The following URB1 variants were observed in gnomAD, a reference collection of about 807,000 sequenced individuals.
URB1 encodes the protein nucleolar pre-ribosomal-associated protein 1.
URB1 carries 197 observed loss-of-function variants against 242.3 expected under a neutral mutation model. The ratio of observed to expected loss-of-function variants is 0.81; its 90% CI spans 0.72 to 0.91. The LOEUF is 0.91. Ranked by LOEUF, URB1 falls within the 40% of genes least tolerant of loss-of-function variation. The pLI, the probability that URB1 is intolerant of heterozygous loss-of-function variation, is 0.00. For synonymous variants in URB1, 1,153 were observed against 1,201.8 expected (o/e 0.96, Z 0.84); for missense variants, 2,721 against 2,860.5 (o/e 0.95, Z 1.11).
At chr21:32,370,747 G>T (rs2033397355) in intron 8 of URB1, among the ~76,000 whole-genome samples, 1 of 152,212 alleles carries the variant, frequency 6.6e-6, no homozygotes, top group African/African-American at 2.4e-5. Context: ...TGGGACACAG[G>T]TAAACCTACT....
intron 8 of URB1, among the ~76,000 whole-genome samples, chr21:32,371,003 A>C (rs1021390162): frequency 5.9e-5 from 9 of 152,200 alleles, no homozygotes; most frequent in Admixed American, 5.9e-4. Flanking sequence ...CAAGCAAATA[A>C]ATAAATCAGC....
chr21:32,388,466 C>T (rs1000214938), intron 1 of URB1, among the ~76,000 whole-genome samples: 3 of 152,156 alleles, frequency 2.0e-5, no homozygotes, highest in Non-Finnish European at 4.4e-5. Flanking sequence ...CAACATTTTC[C>T]GCAGCAACCA....
At position 32,346,939 on chromosome 21, in the gene URB1, G is replaced by A. The variant is rs1451704234; in HGVS notation, c.3868+17C>T. 1.3e-6 allele frequency: 2 copies of A among 1,488,730 alleles called. No individual in the cohort carries two copies. The highest frequency in any genetic ancestry group is 1.8e-6 in the Non-Finnish European group (2 of 1,110,568). The allele number at this position is 1,488,730 out of a possible 1,614,324, so 92.2% of individuals were successfully genotyped here. On this transcript the variant is annotated intron_variant, in intron 22 of 38. Coordinates refer to ENST00000382751, the MANE Select transcript of URB1 (RefSeq NM_014825.3). ...CAACTTAAGACCCCAGCTGCCCAAA[G>A]CTAGCCTTTCCCTTACCTCCTGCTG...
chr21:32,339,086 C>T (rs2032998256), intron 25 of URB1, among the ~76,000 whole-genome samples, 186 bp from the exon 26 acceptor site: 1 of 152,162 alleles, frequency 6.6e-6, no homozygotes. Flanking sequence ...CCTCTGCCTC[C>T]CAAGTGCAAG....
chr21:32,375,949 G>A (rs1315656159), intron 5 of URB1, among the ~76,000 whole-genome samples: 1 of 151,748 alleles, frequency 6.6e-6, no homozygotes, highest in Non-Finnish European at 1.5e-5. Flanking sequence ...AGAGCAAGAC[G>A]CTGTCTCCAA....
intron 11 of URB1, among the ~76,000 whole-genome samples, chr21:32,362,717 T>G (rs2033302785): frequency 6.6e-6 from 1 of 152,178 alleles, no homozygotes; most frequent in Non-Finnish European, 1.5e-5. Flanking sequence ...AAGCCTGGTC[T>G]TCAGCCATAG....
In URB1 at chr21:32,311,622, C is replaced by T; in HGVS notation, c.*3296G>A. On this transcript the variant is annotated 3_prime_UTR_variant, in exon 39 of 39. Transcript: ENST00000382751. ...AGGTGTGGCAGGAAACCCCCCAGCC[C>T]CACAGTATGGACTGTTCTGCAGCAA... 1 of 1,579,558 alleles carries T rather than the reference C, an allele frequency of 6.3e-7. No individual in the cohort carries two copies. Among genetic ancestry groups the T allele is most frequent in the Admixed American group, 1.8e-5 (1 of 56,382 alleles).
chr21:32,381,221 T>C (rs2033521114), intron 4 of URB1, among the ~76,000 whole-genome samples: 1 of 152,126 alleles, frequency 6.6e-6, no homozygotes, highest in South Asian at 2.1e-4. Context: ...CCTCACAGGG[T>C]TATTATTCCA....
intron 15 of URB1, 109 bp from the exon 16 acceptor site, chr21:32,355,674 T>C: frequency 1.1e-6 from 1 of 910,052 alleles, no homozygotes; most frequent in South Asian, 1.5e-5. Flanking sequence ...AGTGGCATGA[T>C]CTCGGCTCAC....
chr21:32,326,856 C>T (rs1412261312), intron 30 of URB1, among the ~76,000 whole-genome samples: 1 of 152,050 alleles, frequency 6.6e-6, no homozygotes, highest in Non-Finnish European at 1.5e-5. Context: ...TATACCAGTG[C>T]AAGAATGGAC....
In URB1 at chr21:32,316,937, A is replaced by G; in HGVS notation, c.6163T>C (p.Cys2055Arg). The G allele has an allele frequency of 1.9e-6, 3 of 1,551,640 alleles. No homozygotes were observed. The highest frequency in any genetic ancestry group is 2.6e-6 in the Non-Finnish European group (3 of 1,146,980). The change falls in exon 38 of 39, where the codon TGC (cysteine) becomes CGC (arginine). Residue 2055 changes from cysteine (C) to arginine (R), a missense_variant. By Grantham distance (180) the Cys-to-Arg change is radical. Coordinates refer to ENST00000382751, the MANE Select transcript of URB1 (RefSeq NM_014825.3). ...PELMASTLET[C>R]KGLLRSILTY... ...AAGATGGACCTCAGGAGGCCCTTGC[A>G]TGTCTCCAAGGTAGATGCCATCAGC... is the stretch of plus-strand genomic sequence containing the variant.
Position 32,345,356 on chromosome 21 carries a change from C to T in URB1, c.4070+18G>A, listed in dbSNP as rs1045748307. 1.9e-6 allele frequency: 3 copies of T among 1,546,756 alleles called. No individual in the cohort carries two copies. Among genetic ancestry groups the T allele is most frequent in the Non-Finnish European group, 2.6e-6 (3 of 1,143,784 alleles). On this transcript the variant is annotated intron_variant, in intron 23 of 38. Transcript: ENST00000382751. ...CACCGAGAGTGGAACATCCTGCAAC[C>T]AACCTGAGCCTTCATACCTCTTGTG...
At chr21:32,339,831 C>T (rs1000297595) in intron 25 of URB1, among the ~76,000 whole-genome samples, 1 of 152,140 alleles carries the variant, frequency 6.6e-6, no homozygotes, top group African/African-American at 2.4e-5. Context: ...ACCAAAAGAA[C>T]TTCCTGCTTA....
chr21:32,353,610 G>C (rs958925456), intron 18 of URB1, among the ~76,000 whole-genome samples: 1 of 152,094 alleles, frequency 6.6e-6, no homozygotes, highest in African/African-American at 2.4e-5. Context: ...AAGTATGAAG[G>C]ATTCATCCTC....
intron 24 of URB1, among the ~76,000 whole-genome samples, chr21:32,343,425 A>C (rs1371787557): frequency 6.6e-6 from 1 of 152,220 alleles, no homozygotes; most frequent in Non-Finnish European, 1.5e-5. Context: ...CAGTTGACAC[A>C]CTATATGATT....
At chr21:32,346,910 C>T (rs920916142) in intron 22 of URB1, 46 bp downstream of exon 22, 5 of 1,460,196 alleles carry the variant, frequency 3.4e-6, no homozygotes, top group African/African-American at 1.4e-5. Context: ...CTTCTTAGCC[C>T]GTGCAACTTA....
chr21:32,355,265 T>C (rs2033205967), intron 16 of URB1, among the ~76,000 whole-genome samples, 184 bp downstream of exon 16: 1 of 152,256 alleles, frequency 6.6e-6, no homozygotes, highest in Admixed American at 6.5e-5. Flanking sequence ...AACAGCATGC[T>C]GTAATATATA....
intron 21 of URB1, among the ~76,000 whole-genome samples, chr21:32,348,145 G>C (rs1338412846): frequency 3.9e-5 from 6 of 152,180 alleles, no homozygotes; most frequent in Admixed American, 3.9e-4. Flanking sequence ...TTCCAGCATG[G>C]GAAAAGTGCT....
rs563266831 is a variant in URB1, at chr21:32,319,198, T to A, written c.5792+19A>T. On this transcript the variant is annotated intron_variant, in intron 36 of 38. Coordinates refer to ENST00000382751, the MANE Select transcript of URB1 (RefSeq NM_014825.3). The stretch of plus-strand genomic sequence containing the variant: ...ATCCAAGAGGCCAGAAGGGCCCCCC[T>A]GGCGGGGGCAGGACTCACCTCAGGT... The A allele has an allele frequency of 1.3e-6, 2 of 1,534,436 alleles. No individual in the cohort carries two copies.
Sources: allele counts gnomAD v4.1 joint callset (sites outside exome capture counted in the v4.1 genomes callset), GRCh38; gene constraint gnomAD v4.1.1; transcripts MANE v1.5; gene names NCBI Gene and HGNC (gene_info 2026-07-23, HGNC 2026-07-21).